Variants in SPAG16 observed in about 807,000 individuals in gnomAD.
SPAG16 encodes sperm-associated antigen 16 protein.
SPAG16 carries 86 observed loss-of-function variants against 80.4 expected under a neutral mutation model. The observed-to-expected ratio is 1.07, with a 90% CI of 0.90 to 1.28. The LOEUF (loss-of-function observed/expected upper bound fraction) is 1.28, where lower values mean the gene tolerates loss of function less well. Among genes scored for constraint, SPAG16 ranks in the 50% most tolerant of loss-of-function variants. The pLI is 0.00. For synonymous variants in SPAG16, 294 were observed against 265.9 expected (o/e 1.11, Z -1.03); for missense variants, 870 against 765.3 (o/e 1.14, Z -1.61).
At chr2:213,899,682 A>G (rs2077139404) in intron 11 of SPAG16, among the ~76,000 whole-genome samples, 1 of 152,072 alleles carries the variant, frequency 6.6e-6, no homozygotes, top group African/African-American at 2.4e-5. Flanking sequence ...CAGAGGCACT[A>G]TTGCTTCCAG....
chr2:214,293,794 G>A (rs576794369), intron 15 of SPAG16, among the ~76,000 whole-genome samples: 17 of 152,264 alleles, frequency 1.1e-4, no homozygotes, highest in Non-Finnish European at 2.4e-4. Flanking sequence ...TCTGGTAGCA[G>A]TGGCCCCAGG....
At chr2:213,532,704 G>T (rs372087128) in intron 10 of SPAG16, among the ~76,000 whole-genome samples, 1 of 150,592 alleles carries the variant, frequency 6.6e-6, no homozygotes, top group Non-Finnish European at 1.5e-5. Flanking sequence ...CTCAGGATCC[G>T]CCCGCCTCGG....
At chr2:213,831,691 C>T (rs1192352376) in intron 10 of SPAG16, among the ~76,000 whole-genome samples, 1 of 152,060 alleles carries the variant, frequency 6.6e-6, no homozygotes, top group Non-Finnish European at 1.5e-5. Flanking sequence ...TCCCTTATCT[C>T]CTTGAACTGT....
intron 10 of SPAG16, among the ~76,000 whole-genome samples, chr2:213,530,116 C>A (rs2076020236): frequency 6.6e-6 from 1 of 152,174 alleles, no homozygotes; most frequent in Admixed American, 6.5e-5. Context: ...CTGCCTTAGG[C>A]TGTTTTAGAG....
At chr2:214,174,103 A>G (rs1403319656) in intron 15 of SPAG16, among the ~76,000 whole-genome samples, 9 of 152,058 alleles carry the variant, frequency 5.9e-5, no homozygotes, top group South Asian at 4.1e-4. Flanking sequence ...TCTATCTATG[A>G]CAAACCCACA....
intron 15 of SPAG16, among the ~76,000 whole-genome samples, chr2:214,306,528 T>G (rs771697021): frequency 1.3e-4 from 20 of 152,200 alleles, no homozygotes; most frequent in Non-Finnish European, 2.8e-4. Flanking sequence ...TAGATGGATT[T>G]TATTATTTTG....
chr2:213,548,888 A>G (rs1360569970), intron 10 of SPAG16, among the ~76,000 whole-genome samples: 1 of 152,118 alleles, frequency 6.6e-6, no homozygotes, highest in Admixed American at 6.5e-5. Context: ...CCCGTGTTTG[A>G]TAGTTTTATG....
intron 8 of SPAG16, among the ~76,000 whole-genome samples, chr2:213,374,323 A>G (rs925102562): frequency 6.6e-6 from 1 of 152,166 alleles, no homozygotes; most frequent in Non-Finnish European, 1.5e-5. Context: ...TGGTGTTATA[A>G]TTTGTAACGT....
At chr2:213,573,770 A>G (rs1250235223) in intron 10 of SPAG16, among the ~76,000 whole-genome samples, 1 of 152,240 alleles carries the variant, frequency 6.6e-6, no homozygotes, top group Non-Finnish European at 1.5e-5. Flanking sequence ...TTGCTGGTAC[A>G]AACAAAGATT....
rs1056973937 is a variant in SPAG16, at chr2:214,011,401, A to T, written c.1401-2550A>T. On this transcript the variant is annotated intron_variant, in intron 12 of 15. Transcript: ENST00000331683. Reference sequence around the variant, plus strand: ...GATTAAATGTCATAAGTAAAACCCAAGTATACTCGTAAATATTCTAATATA... The same window carrying T: ...GATTAAATGTCATAAGTAAAACCCATGTATACTCGTAAATATTCTAATATA... Among the ~76,000 whole-genome samples, 3 of 148,338 alleles carry T rather than the reference A, an allele frequency of 2.0e-5. No homozygotes were observed. In the East Asian group the frequency reaches 5.8e-4, roughly 29 times the overall value.
intron 9 of SPAG16, among the ~76,000 whole-genome samples, chr2:213,464,769 G>C (rs2072586500): frequency 6.6e-6 from 1 of 152,180 alleles, no homozygotes; most frequent in Non-Finnish European, 1.5e-5. Context: ...AACAACCTTT[G>C]AGCCAGTTGG....
intron 10 of SPAG16, among the ~76,000 whole-genome samples, chr2:213,793,317 A>C (rs2070821670): frequency 6.6e-6 from 1 of 151,900 alleles, no homozygotes; most frequent in South Asian, 2.1e-4. Flanking sequence ...AGTACCCCAA[A>C]CATACAAAGC....
chr2:214,172,341 C>T (rs973644440), intron 15 of SPAG16, among the ~76,000 whole-genome samples: 3 of 151,794 alleles, frequency 2.0e-5, no homozygotes, highest in South Asian at 2.1e-4. Flanking sequence ...TGAGAACATG[C>T]GGTGTTTGGT....
intron 10 of SPAG16, among the ~76,000 whole-genome samples, chr2:213,592,426 A>G (rs763566838): frequency 3.9e-4 from 59 of 152,224 alleles, no homozygotes; most frequent in Non-Finnish European, 1.0e-4. Flanking sequence ...GTATTTGCTT[A>G]AAAAAGAAAT....
At chr2:213,387,606 C>A (rs1187157347) in intron 9 of SPAG16, among the ~76,000 whole-genome samples, 1 of 139,158 alleles carries the variant, frequency 7.2e-6, no homozygotes, top group Admixed American at 7.2e-5. Context: ...AGGCGCCCGC[C>A]ACCACGCCCG....
intron 11 of SPAG16, among the ~76,000 whole-genome samples, chr2:213,871,649 T>A (rs1268651576): frequency 6.6e-6 from 1 of 152,008 alleles, no homozygotes; most frequent in African/African-American, 2.4e-5. Flanking sequence ...AGTTGTAAAC[T>A]TCCAGAATGT....
intron 13 of SPAG16, among the ~76,000 whole-genome samples, chr2:214,086,385 GGCT>G (rs2051751728): frequency 1.3e-5 from 2 of 152,096 alleles, no homozygotes; most frequent in African/African-American, 4.8e-5. Context: ...GATATGGTCT[GGCT>G]CTGTGTCCCC....
chr2:213,929,347 T>G (rs2078645887), intron 11 of SPAG16, among the ~76,000 whole-genome samples: 1 of 151,116 alleles, frequency 6.6e-6, no homozygotes, highest in Non-Finnish European at 1.5e-5. Context: ...CTAGCTTTTG[T>G]GTCCACCACT....
rs747184933 is a variant in SPAG16 at position 213,862,602 on chromosome 2, GC to G, written c.1189del (p.Leu397PhefsTer34). The G allele has an allele frequency of 1.2e-6, 2 of 1,614,024 alleles. No individual in the cohort carries two copies. Among genetic ancestry groups the G allele is most frequent in the Admixed American group, 3.3e-5 (2 of 60,000 alleles). ...TCACGGGATTTGGCCACACTGACTG[GC>G]TTTCAGACTGCTGCTTCCATCCCAG... ...LLTGFGHTDW[L>X]SDCCFHPSGD... is the part of the protein sequence containing the mutation. On this transcript the variant is annotated frameshift_variant, in exon 11 of 16. Transcript: ENST00000331683. LOFTEE classifies it high-confidence loss of function.
Sources: gnomAD v4.1 joint callset for allele counts (sites outside exome capture counted in the v4.1 genomes callset) on GRCh38, gnomAD v4.1.1 for gene constraint, MANE v1.5 for transcripts, NCBI Gene and HGNC (gene_info 2026-07-23, HGNC 2026-07-21) for gene names.